ATM: variants seen among roughly 807,000 people sequenced by gnomAD.
ATM encodes serine-protein kinase ATM.
A neutral mutation model predicts 387.0 loss-of-function variants in ATM; 308 were observed. That is an observed-to-expected ratio of 0.80 (90% CI 0.73 to 0.87). ATM has a LOEUF of 0.87. Ranked by LOEUF, ATM falls within the 40% of genes least tolerant of loss-of-function variation. The probability of loss-of-function intolerance (pLI) is 0.00; values close to 1 mark genes in which losing one functional copy is unlikely to be tolerated. For missense variants in ATM, 3,312 were observed against 3,560.9 expected (o/e 0.93, Z 1.78); for synonymous variants, 1,156 against 1,187.3 (o/e 0.97, Z 0.54).
chr11:108,334,021 T>G, intron 54 of ATM, 53 bp downstream of exon 54: 1 of 1,366,516 alleles, frequency 7.3e-7, no homozygotes, highest in Non-Finnish European at 1.0e-6. Flanking sequence ...TTTTATTAGA[T>G]TGAACCATTT....
rs4987902 is a variant in ATM at position 108,228,249 on chromosome 11, T to C, written c.185+361T>C. ...CTTTAAATATTACTCTGATTATAAG[T>C]AAATGCTGTGTGTTAAATTGTAATA... On this transcript the variant is annotated intron_variant, in intron 3 of 62. Transcript: ENST00000675843. 3.4e-3 allele frequency among the ~76,000 whole-genome samples: 513 copies of C among 152,322 alleles called. 13 individuals carry two copies. The highest frequency in any genetic ancestry group is 0.031 in the Admixed American group (475 of 15,296).
chr11:108,357,861 AACTGGAAAC>A (rs2090203384), intron 61 of ATM, among the ~76,000 whole-genome samples: 1 of 151,338 alleles, frequency 6.6e-6, no homozygotes, highest in Non-Finnish European at 1.5e-5. Context: ...AGAACAGAAA[AACTGGAAAC>A]TCTAAAACGC....
intron 13 of ATM, among the ~76,000 whole-genome samples, chr11:108,255,363 A>G (rs1484811696): frequency 6.6e-6 from 1 of 151,898 alleles, no homozygotes; most frequent in East Asian, 1.9e-4. Flanking sequence ...AACAAAAAAA[A>G]TCTGAACATT....
At chr11:108,267,144 G>T (rs2135504492) in intron 16 of ATM, 27 bp from the exon 17 acceptor site, 1 of 1,612,230 alleles carries the variant, frequency 6.2e-7, no homozygotes, top group South Asian at 1.1e-5. Context: ...AAGCCATCTT[G>T]AACATCTTTG....
chr11:108,298,384 A>G (rs760585472), intron 33 of ATM, among the ~76,000 whole-genome samples: 34 of 152,246 alleles, frequency 2.2e-4, no homozygotes, highest in Non-Finnish European at 3.7e-4. Flanking sequence ...AGAAAAGTAT[A>G]CAGATCAAAA....
intron 5 of ATM, among the ~76,000 whole-genome samples, chr11:108,242,228 A>G (rs761388929): frequency 9.2e-5 from 14 of 152,220 alleles, no homozygotes; most frequent in African/African-American, 1.7e-4. Flanking sequence ...AGGAAACACT[A>G]TGAACATCTA....
chr11:108,327,578 C>T, intron 47 of ATM, 67 bp from the exon 48 acceptor site: 1 of 1,316,626 alleles, frequency 7.6e-7, no homozygotes, highest in Non-Finnish European at 1.1e-6. Context: ...TTTCCCCGTA[C>T]ATGAAGGGCA....
At chr11:108,306,927 A>G (rs770481758) in intron 37 of ATM, among the ~76,000 whole-genome samples, 1 of 152,182 alleles carries the variant, frequency 6.6e-6, no homozygotes, top group Non-Finnish European at 1.5e-5. Flanking sequence ...CCAATTCCAT[A>G]TTATGAATAA....
intron 13 of ATM, among the ~76,000 whole-genome samples, chr11:108,255,612 G>A (rs2080426975): frequency 6.6e-6 from 1 of 151,954 alleles, no homozygotes; most frequent in Non-Finnish European, 1.5e-5. Flanking sequence ...TTTTAGTAGA[G>A]ACAAGGTTTC....
At chr11:108,290,073 G>A in intron 29 of ATM, 1 of 309,512 alleles carries the variant, frequency 3.2e-6, no homozygotes, top group Non-Finnish European at 6.1e-6. Context: ...TGCCCAGGGT[G>A]GTCTCAAACT....
chr11:108,337,083 G>A (rs973141653), intron 56 of ATM, among the ~76,000 whole-genome samples: 1 of 152,036 alleles, frequency 6.6e-6, no homozygotes, highest in African/African-American at 2.4e-5. Context: ...CTAAATAGGG[G>A]AGTGAAGAAG....
Position 108,331,513 on chromosome 11 carries a change from AC to A in ATM, c.7587del (p.Lys2530ArgfsTer2). ...GTACCAATTGGCTGCTAGAATGGGGACCAAGATGATGGGAGGCCTAGGATTT... is the reference window on the plus strand; with the variant it reads ...GTACCAATTGGCTGCTAGAATGGGGACAAGATGATGGGAGGCCTAGGATTT... Reference protein sequence around the residue: ...LMYQLAARMGTKMMGGLGFHE... With the variant: ...LMYQLAARMGXKMMGGLGFHE... On this transcript the variant is annotated frameshift_variant, in exon 51 of 63. Coordinates refer to ENST00000675843, the MANE Select transcript of ATM (RefSeq NM_000051.4). LOFTEE classifies it high-confidence loss of function. The A allele has an allele frequency of 6.2e-7, 1 of 1,613,428 alleles. No individual in the cohort carries two copies. Among genetic ancestry groups the A allele is most frequent in the Non-Finnish European group, 8.5e-7 (1 of 1,179,718 alleles).
At chr11:108,365,002 T>C (rs2137857367) in intron 61 of ATM, 80 bp from the exon 62 acceptor site, 4 of 1,520,986 alleles carry the variant, frequency 2.6e-6, no homozygotes, top group Non-Finnish European at 3.6e-6. Flanking sequence ...GGCTTATTTG[T>C]ATGATACTGG....
Position 108,331,703 on chromosome 11 carries a change from A to G in ATM, c.7629+146A>G, listed in dbSNP as rs769608929. The G allele has an allele frequency of 1.6e-4, 213 of 1,321,230 alleles. No individual in the cohort carries two copies. The highest frequency in any genetic ancestry group is 2.1e-4 in the Non-Finnish European group (208 of 976,468). 81.8% of individuals were successfully genotyped at this position (1,321,230 alleles called of 1,614,324 possible). A position where few individuals can be genotyped will look rare whatever the true frequency, so the allele number is the denominator to read the frequency against. ...TCTTCTCACATCACATAAGTTACTC[A>G]TTTTCTCTCTCTAATTCCTCATAGG... On this transcript the variant is annotated intron_variant, in intron 51 of 62. Transcript: ENST00000675843.
At chr11:108,325,612 G>A (rs900626898) in intron 46 of ATM, 68 bp downstream of exon 46, 2 of 1,319,736 alleles carry the variant, frequency 1.5e-6, no homozygotes, top group Admixed American at 1.8e-5. Context: ...AAAACAGAAA[G>A]CCTGAGGGAA....
chr11:108,342,465 T>C (rs992072474), intron 56 of ATM, among the ~76,000 whole-genome samples: 1 of 152,176 alleles, frequency 6.6e-6, no homozygotes, highest in Non-Finnish European at 1.5e-5. Flanking sequence ...ACTATTTGTG[T>C]ACATATAGCT....
intron 43 of ATM, among the ~76,000 whole-genome samples, chr11:108,318,864 T>G (rs2084975956): frequency 6.6e-6 from 1 of 152,118 alleles, no homozygotes; most frequent in African/African-American, 2.4e-5. Flanking sequence ...TAAGTATGTT[T>G]TGTTGCCTTT....
intron 20 of ATM, 121 bp downstream of exon 20, chr11:108,271,527 G>A: frequency 1.7e-6 from 2 of 1,181,090 alleles, no homozygotes; most frequent in Non-Finnish European, 2.5e-6. Context: ...CATCTTTTAA[G>A]AATAGCAGAA....
At position 108,247,113 on chromosome 11, in the gene ATM, G is replaced by A. The variant is rs876659092; in HGVS notation, c.1051G>A (p.Asp351Asn). 1.7e-5 allele frequency: 27 copies of A among 1,613,646 alleles called. No individual in the cohort carries two copies. The highest frequency in any genetic ancestry group is 2.3e-5 in the Non-Finnish European group (27 of 1,179,854). The change falls in exon 8 of 63, where the codon GAT becomes AAT. Residue 351 changes from aspartate (D) to asparagine (N), a missense_variant. Around this residue, in one of 4 missense-constraint regions of ATM, gnomAD observed 1,791 missense variants for 1,804.5 expected, o/e 0.99. Coordinates refer to ENST00000675843, the MANE Select transcript of ATM (RefSeq NM_000051.4). ...VKENLIELMA[D>N]ICHQVFNEDT... ...AGAAAATTTGATTGAATTGATGGCA[G>A]ATATCTGTCACCAGGTACAGTAAGT...
Sources: gnomAD v4.1 joint callset for allele counts (sites outside exome capture counted in the v4.1 genomes callset) on GRCh38, gnomAD v4.1.1 for gene constraint, gnomAD v4.1.1 regional missense constraint, MANE v1.5 for transcripts, NCBI Gene and HGNC (gene_info 2026-07-23, HGNC 2026-07-21) for gene names.